The following PTPRD variants were observed in gnomAD, a reference collection of about 807,000 sequenced individuals.
PTPRD encodes receptor-type tyrosine-protein phosphatase delta.
Under a neutral mutation model 214.5 loss-of-function variants are expected in PTPRD, and 34 were observed. The observed-to-expected ratio is 0.16, with a 90% CI of 0.12 to 0.21. The LOEUF is 0.21. Among genes scored for constraint, PTPRD ranks in the 10% least tolerant of loss-of-function variants. The pLI is 1.00. For synonymous variants in PTPRD, 1,128 were observed against 845.7 expected, an observed-to-expected ratio of 1.33 and a Z score of -5.79; for missense variants, 2,545 against 2,398.7, an observed-to-expected ratio of 1.06 and a Z score of -1.27.
chr9:9,628,431 A>G lies in PTPRD; in HGVS notation c.-286-53650T>C, dbSNP rs80288637. On this transcript the variant is annotated intron_variant, in intron 7 of 45. Coordinates refer to ENST00000381196, the MANE Select transcript of PTPRD (RefSeq NM_002839.4). ...TTTGATATCTCCCCATACATCTTTC[A>G]GAATCCATTCTGATGATTTCTCAAT... is the stretch of plus-strand genomic sequence containing the variant. Among the ~76,000 whole-genome samples, 809 of 152,172 alleles carry G rather than the reference A, an allele frequency of 5.3e-3. 8 individuals are homozygous for G. Among genetic ancestry groups the G allele is most frequent in the African/African-American group, 0.019 (779 of 41,504 alleles).
At chr9:9,266,027 A>G (rs1939395300) in intron 9 of PTPRD, among the ~76,000 whole-genome samples, 1 of 151,552 alleles carries the variant, frequency 6.6e-6, no homozygotes, top group African/African-American at 2.4e-5. Context: ...GTGAAGGTGA[A>G]TAGATTGATA....
intron 10 of PTPRD, among the ~76,000 whole-genome samples, chr9:9,139,614 G>C (rs559080630): frequency 1.5e-5 from 2 of 133,090 alleles, no homozygotes; most frequent in South Asian, 4.8e-4. Flanking sequence ...GCCGGACAAA[G>C]GGTGGATTCA....
chr9:10,115,659 G>C (rs1300333759), intron 3 of PTPRD, among the ~76,000 whole-genome samples: 1 of 151,546 alleles, frequency 6.6e-6, no homozygotes. Context: ...TTTTCTTTCT[G>C]TTCCCCACTA....
chr9:9,915,407 C>T (rs2080439578), intron 5 of PTPRD, among the ~76,000 whole-genome samples: 1 of 150,020 alleles, frequency 6.7e-6, no homozygotes, highest in African/African-American at 2.5e-5. Flanking sequence ...TATGAAATGC[C>T]AGAAAAAGAA....
In PTPRD at chr9:9,405,036, C is replaced by G. The variant is rs941632751; in HGVS notation, c.-236-7554G>C. Among the ~76,000 whole-genome samples, 3 of 152,054 alleles carry G rather than the reference C, an allele frequency of 2.0e-5. No individual in the cohort carries two copies. In the South Asian group the frequency reaches 6.2e-4, roughly 32 times the overall value. On this transcript the variant is annotated intron_variant, in intron 8 of 45. Coordinates refer to ENST00000381196, the MANE Select transcript of PTPRD (RefSeq NM_002839.4). Reference sequence around the variant, plus strand: ...ATTCAGGATAACATCCCGGTGGCACCCTAATGATTTGTCAATTTTAACCAG... The same window carrying G: ...ATTCAGGATAACATCCCGGTGGCACGCTAATGATTTGTCAATTTTAACCAG...
At chr9:9,174,289 T>A (rs2099923281) in intron 10 of PTPRD, among the ~76,000 whole-genome samples, 1 of 152,128 alleles carries the variant, frequency 6.6e-6, no homozygotes, top group Non-Finnish European at 1.5e-5. Flanking sequence ...TAGTGACTGA[T>A]TAATAAATAT....
chr9:10,378,331 G>A (rs1276776537), intron 2 of PTPRD, among the ~76,000 whole-genome samples: 1 of 151,962 alleles, frequency 6.6e-6, no homozygotes, highest in Non-Finnish European at 1.5e-5. Context: ...GATCCCTTCT[G>A]TCCATTTTTG....
At chr9:9,506,923 A>G (rs2096583906) in intron 8 of PTPRD, among the ~76,000 whole-genome samples, 1 of 151,592 alleles carries the variant, frequency 6.6e-6, no homozygotes. Flanking sequence ...TTAAGATTAT[A>G]GAAAATTAAG....
chr9:10,147,260 A>G (rs1017140537), intron 3 of PTPRD, among the ~76,000 whole-genome samples: 1 of 138,960 alleles, frequency 7.2e-6, no homozygotes, highest in Admixed American at 7.2e-5. Context: ...AACAACATAT[A>G]GTTCTTTTTT....
At chr9:8,931,491 C>T (rs1324847859) in intron 11 of PTPRD, among the ~76,000 whole-genome samples, 1 of 152,108 alleles carries the variant, frequency 6.6e-6, no homozygotes, top group African/African-American at 2.4e-5. Flanking sequence ...TTTTCCAATT[C>T]TGTGAAGAAA....
intron 5 of PTPRD, among the ~76,000 whole-genome samples, chr9:9,777,376 A>T (rs868509589): frequency 1.3e-4 from 20 of 152,106 alleles, no homozygotes; most frequent in Middle Eastern, 3.4e-3. Context: ...TACGTGTCAA[A>T]AATAAATTCA....
chr9:8,427,357 C>A (rs1008350965), intron 35 of PTPRD, among the ~76,000 whole-genome samples: 7 of 152,152 alleles, frequency 4.6e-5, no homozygotes, highest in Admixed American at 4.6e-4. Flanking sequence ...GACACTCTTT[C>A]TTCTGTTTGC....
At chr9:9,349,429 A>G (rs1327970976) in intron 9 of PTPRD, among the ~76,000 whole-genome samples, 1 of 152,058 alleles carries the variant, frequency 6.6e-6, no homozygotes, top group Non-Finnish European at 1.5e-5. Context: ...AAGCTTTAAG[A>G]CAAATCCTTT....
chr9:9,174,201 T>C (rs958359244), intron 10 of PTPRD, among the ~76,000 whole-genome samples: 1 of 152,156 alleles, frequency 6.6e-6, no homozygotes, highest in Non-Finnish European at 1.5e-5. Context: ...TGCTTTCCTA[T>C]TGTCTCCATG....
chr9:9,382,262 G>A (rs2062544461), intron 9 of PTPRD, among the ~76,000 whole-genome samples: 1 of 151,878 alleles, frequency 6.6e-6, no homozygotes, highest in Non-Finnish European at 1.5e-5. Context: ...TCATACATTA[G>A]TTCTGATAGT....
intron 7 of PTPRD, among the ~76,000 whole-genome samples, chr9:9,586,721 C>G (rs2092034156): frequency 6.6e-6 from 1 of 151,924 alleles, no homozygotes; most frequent in Non-Finnish European, 1.5e-5. Flanking sequence ...CAGAGAACAT[C>G]TAAATTTTTA....
At chr9:10,240,614 TA>T (rs1377876857) in intron 3 of PTPRD, among the ~76,000 whole-genome samples, 1 of 151,870 alleles carries the variant, frequency 6.6e-6, no homozygotes, top group Non-Finnish European at 1.5e-5. Flanking sequence ...AAGAAGTGTA[TA>T]AAAATATATA....
intron 4 of PTPRD, among the ~76,000 whole-genome samples, chr9:9,944,522 T>A (rs75985559): frequency 0.054 from 8,153 of 152,172 alleles, 719 homozygotes; most frequent in African/African-American, 0.19. Flanking sequence ...AAGATTTTTT[T>A]AATATGGGAA....
chr9:8,401,276 C>T (rs1441067160), intron 36 of PTPRD, among the ~76,000 whole-genome samples: 9 of 151,944 alleles, frequency 5.9e-5, no homozygotes, highest in African/African-American at 2.2e-4. Flanking sequence ...GCAACCCTCC[C>T]ACCTCAGCCT....
Sources: gnomAD v4.1 joint callset for allele counts (sites outside exome capture counted in the v4.1 genomes callset) on GRCh38, gnomAD v4.1.1 for gene constraint, MANE v1.5 for transcripts, NCBI Gene and HGNC (gene_info 2026-07-23, HGNC 2026-07-21) for gene names.